The following KXD1 variants were observed in gnomAD, a reference collection of about 807,000 sequenced individuals.
The protein encoded by KXD1 is kxDL motif-containing protein 1.
KXD1 carries 5 observed loss-of-function variants against 12.1 expected under a neutral mutation model. That is an observed-to-expected ratio of 0.41 (90% CI 0.22 to 0.87). The LOEUF is 0.87. Among genes scored for constraint, KXD1 ranks in the 40% least tolerant of loss-of-function variants. The probability of loss-of-function intolerance (pLI) is 0.31; values close to 1 mark genes in which losing one functional copy is unlikely to be tolerated. For missense variants in KXD1, 193 were observed against 244.9 expected (o/e 0.79, Z 1.41); for synonymous variants, 98 against 100.5 (o/e 0.98, Z 0.15).
intron 1 of KXD1, chr19:18,559,670 C>T (rs1974846146): frequency 6.6e-6 from 1 of 152,202 alleles, no homozygotes; most frequent in Non-Finnish European, 1.5e-5. Context: ...CTTTGTGAGA[C>T]CCGTGGGCTG....
In KXD1 at chr19:18,562,071, C is replaced by T. The variant is rs1211931127; in HGVS notation, c.15C>T (p.Asp5=). 6.2e-7 allele frequency: 1 copy of T among 1,613,100 alleles called. No homozygotes were observed. Among genetic ancestry groups the T allele is most frequent in the East Asian group, 2.2e-5 (1 of 44,792 alleles). Residue 5 remains aspartate, a synonymous_variant, in exon 2 of 5, where the codon GAC becomes GAT. Coordinates refer to ENST00000222307, the MANE Select transcript of KXD1 (RefSeq NM_024069.4). ...AGGAGAAAGAGATGGACCTCCCGGACTCGGCCTCGAGGGTCTTCTGCGGCC... is the reference window on the plus strand; with the variant it reads ...AGGAGAAAGAGATGGACCTCCCGGATTCGGCCTCGAGGGTCTTCTGCGGCC... MDLP[D]SASRVFCGRI...
intron 2 of KXD1, among the ~76,000 whole-genome samples, chr19:18,563,731 T>G (rs1975049702): frequency 6.6e-6 from 1 of 152,032 alleles, no homozygotes; most frequent in Non-Finnish European, 1.5e-5. Context: ...CTCAATCTCT[T>G]GACTTCGTGA....
intron 3 of KXD1, 64 bp downstream of exon 3, chr19:18,565,085 G>GT (rs1568421730): frequency 6.3e-7 from 1 of 1,582,414 alleles, no homozygotes; most frequent in South Asian, 1.1e-5. Context: ...CTGAGCCTCA[G>GT]TTTCCTTCAC....
At chr19:18,564,758 C>G in intron 2 of KXD1, 111 bp from the exon 3 acceptor site, 1 of 1,207,144 alleles carries the variant, frequency 8.3e-7, no homozygotes, top group Non-Finnish European at 1.2e-6. Context: ...GGGAACAGCC[C>G]ATGCAAAGGT....
chr19:18,564,813 G>T, intron 2 of KXD1, 56 bp from the exon 3 acceptor site: 1 of 1,601,220 alleles, frequency 6.2e-7, no homozygotes, highest in Non-Finnish European at 8.5e-7. Flanking sequence ...TCTGGGCCAG[G>T]TTGGGCAGGG....
intron 2 of KXD1, among the ~76,000 whole-genome samples, chr19:18,564,405 A>G (rs971676751): frequency 1.1e-4 from 16 of 152,008 alleles, no homozygotes; most frequent in Non-Finnish European, 2.1e-4. Context: ...GTGGATCACG[A>G]GGTCAGGAGA....
At chr19:18,563,418 C>T (rs368801768) in intron 2 of KXD1, among the ~76,000 whole-genome samples, 2 of 149,886 alleles carry the variant, frequency 1.3e-5, no homozygotes, top group South Asian at 4.2e-4. Context: ...ATAATTGCTG[C>T]TCACTACATC....
chr19:18,567,003 A>G, intron 3 of KXD1, 129 bp from the exon 4 acceptor site: 1 of 758,112 alleles, frequency 1.3e-6, no homozygotes, highest in Non-Finnish European at 2.3e-6. Flanking sequence ...ATGTGAGGTG[A>G]TGAACAGTGT....
At chr19:18,566,290 A>G (rs1413572825) in intron 3 of KXD1, among the ~76,000 whole-genome samples, 1 of 152,012 alleles carries the variant, frequency 6.6e-6, no homozygotes, top group Non-Finnish European at 1.5e-5. Flanking sequence ...CTCTACTAAA[A>G]ATACAAAAAA....
In KXD1 at chr19:18,567,398, C is replaced by G. The variant is rs181795215; in HGVS notation, c.301+220C>G. The G allele has an allele frequency of 3.8e-3, 2,489 of 654,294 alleles. 75 individuals carry two copies. The Admixed American group carries it at 0.048, about 13-fold the overall frequency. The allele number at this position is 654,294 out of a possible 1,614,324, so 40.5% of individuals were successfully genotyped here. A position where few individuals can be genotyped will look rare whatever the true frequency, so the allele number is the denominator to read the frequency against. On this transcript the variant is annotated intron_variant, in intron 4 of 4. Coordinates refer to ENST00000222307, the MANE Select transcript of KXD1 (RefSeq NM_024069.4). ...CGGGAGTCCGTGCCCCGTGGGGAGG[C>G]CGCACAGGAGAATGTGGATAAGCAG...
In KXD1 at chr19:18,568,782, T is replaced by C. The variant is rs527302294; in HGVS notation, c.*151T>C. The C allele has an allele frequency of 4.9e-5, 30 of 618,072 alleles. No individual in the cohort carries two copies. The highest frequency in any genetic ancestry group is 1.1e-5 in the Non-Finnish European group (4 of 354,208). The allele number at this position is 618,072 out of a possible 1,614,324, so 38.3% of individuals were successfully genotyped here. A position where few individuals can be genotyped will look rare whatever the true frequency, so the allele number is the denominator to read the frequency against. ...GGGGACAAGGCTCTCTCCCGAGGGG[T>C]GTGGAATTCCTGGGGGGGTCTTTAA... On this transcript the variant is annotated 3_prime_UTR_variant, in exon 5 of 5. Transcript: ENST00000222307.
chr19:18,563,385 C>A (rs7252850), intron 2 of KXD1, among the ~76,000 whole-genome samples: 1 of 147,498 alleles, frequency 6.8e-6, no homozygotes, highest in Non-Finnish European at 1.5e-5. Context: ...CTCACTCTGT[C>A]GCCCAGGCTG....
intron 2 of KXD1, 21 bp from the exon 3 acceptor site, chr19:18,564,848 A>C: frequency 1.9e-6 from 3 of 1,612,802 alleles, no homozygotes; most frequent in Non-Finnish European, 2.5e-6. Context: ...AGTGAAGCTC[A>C]TGCCCTCTCT....
intron 3 of KXD1, among the ~76,000 whole-genome samples, chr19:18,566,164 A>G (rs1257839531): frequency 6.6e-6 from 1 of 151,822 alleles, no homozygotes; most frequent in Non-Finnish European, 1.5e-5. Context: ...AATGTAACAC[A>G]GTGCGGCTGG....
At chr19:18,568,364 A>C in intron 4 of KXD1, 38 bp from the exon 5 acceptor site, 1 of 1,497,336 alleles carries the variant, frequency 6.7e-7, no homozygotes. Context: ...AGAGCTTGGC[A>C]AGGTGACAAA....
chr19:18,559,959 C>A (rs1160011929), intron 1 of KXD1: 1 of 150,104 alleles, frequency 6.7e-6, no homozygotes, highest in African/African-American at 2.4e-5. Flanking sequence ...TTCTCTCCTT[C>A]TCTCTCTCTT....
chr19:18,568,669 C>A lies in KXD1; in HGVS notation c.*38C>A. The stretch of plus-strand genomic sequence containing the variant: ...GTGCCTTGAGGGGGTCTCAGGGCAG[C>A]AGCATACAAGGTGGCAGCGGGTAAC... On this transcript the variant is annotated 3_prime_UTR_variant, in exon 5 of 5. Transcript: ENST00000222307. 1 of 1,514,608 alleles carries A rather than the reference C, an allele frequency of 6.6e-7. No individual in the cohort carries two copies. The highest frequency in any genetic ancestry group is 1.7e-5 in the Admixed American group (1 of 58,826). The allele number at this position is 1,514,608 out of a possible 1,614,324, so 93.8% of individuals were successfully genotyped here.
Position 18,568,853 on chromosome 19 carries a change from C to G in KXD1, c.*222C>G, listed in dbSNP as rs1299691186. On this transcript the variant is annotated 3_prime_UTR_variant, in exon 5 of 5. Transcript: ENST00000222307. Reference sequence around the variant, plus strand: ...AGAACATCTCTATTCTGCAAGACCCCTCTGCCATGCCAGGGCACGCCCATT... The same window carrying G: ...AGAACATCTCTATTCTGCAAGACCCGTCTGCCATGCCAGGGCACGCCCATT... 5 of 563,412 alleles carry G rather than the reference C, an allele frequency of 8.9e-6. No homozygotes were observed. The allele number at this position is 563,412 out of a possible 1,614,324, so 34.9% of individuals were successfully genotyped here.
intron 3 of KXD1, among the ~76,000 whole-genome samples, chr19:18,566,411 G>A (rs994949266): frequency 1.2e-4 from 10 of 83,528 alleles, no homozygotes; most frequent in Non-Finnish European, 2.1e-4. Flanking sequence ...AGCCGAGATC[G>A]CGCCACTGCA....
Sources: gnomAD v4.1 joint callset for allele counts (sites outside exome capture counted in the v4.1 genomes callset) on GRCh38, gnomAD v4.1.1 for gene constraint, MANE v1.5 for transcripts, NCBI Gene and HGNC (gene_info 2026-07-23, HGNC 2026-07-21) for gene names.